Variants in CRPPA observed in about 807,000 individuals in gnomAD.
CRPPA encodes the protein CDP-L-ribitol pyrophosphorylase A.
Under a neutral mutation model 52.0 loss-of-function variants are expected in CRPPA, and 43 were observed. The ratio of observed to expected loss-of-function variants is 0.83; its 90% CI spans 0.65 to 1.07. The LOEUF (loss-of-function observed/expected upper bound fraction) is 1.07, where lower values mean the gene tolerates loss of function less well. CRPPA is among the 50% of genes least tolerant of loss of function. The pLI, the probability that CRPPA is intolerant of heterozygous loss-of-function variation, is 0.00. For missense variants in CRPPA, 629 were observed against 551.7 expected (o/e 1.14, Z -1.40); for synonymous variants, 250 against 203.5 (o/e 1.23, Z -1.94).
intron 9 of CRPPA, among the ~76,000 whole-genome samples, chr7:16,191,061 G>A (rs1781599172): frequency 6.6e-6 from 1 of 152,018 alleles, no homozygotes; most frequent in Non-Finnish European, 1.5e-5. Flanking sequence ...TCCATAATTG[G>A]AAAATTATCC....
chr7:16,356,528 C>T (rs1786299513), intron 3 of CRPPA, among the ~76,000 whole-genome samples: 1 of 152,182 alleles, frequency 6.6e-6, no homozygotes, highest in Non-Finnish European at 1.5e-5. Context: ...CCGGCTCAGG[C>T]TATAAGGAGA....
At chr7:16,350,543 T>C (rs1786121864) in intron 3 of CRPPA, among the ~76,000 whole-genome samples, 2 of 152,104 alleles carry the variant, frequency 1.3e-5, no homozygotes, top group South Asian at 4.1e-4. Context: ...ATTATCAACT[T>C]AAAATAGCCT....
At chr7:16,157,920 G>A (rs957495826) in intron 9 of CRPPA, among the ~76,000 whole-genome samples, 35 of 151,400 alleles carry the variant, frequency 2.3e-4, no homozygotes, top group African/African-American at 8.5e-4. Context: ...TGTCGCCCAG[G>A]CTGGAATAGA....
Position 16,403,367 on chromosome 7 carries a change from T to C in CRPPA, c.534+2694A>G, listed in dbSNP as rs79726498. On this transcript the variant is annotated intron_variant, in intron 2 of 9. Coordinates refer to ENST00000407010, the MANE Select transcript of CRPPA (RefSeq NM_001101426.4). ...CCTTAATCGTGGATATCTGAGTCTC[T>C]TGAGGCATTCTCTTTACCAGTTTAA... Among the ~76,000 whole-genome samples, 469 of 152,294 alleles carry C rather than the reference T, an allele frequency of 3.1e-3. 2 individuals are homozygous for C. The highest frequency in any genetic ancestry group is 0.011 in the African/African-American group (438 of 41,560).
At chr7:16,337,811 G>A (rs182110226) in intron 3 of CRPPA, among the ~76,000 whole-genome samples, 209 of 152,086 alleles carry the variant, frequency 1.4e-3, no homozygotes, top group Non-Finnish European at 2.0e-3. Flanking sequence ...CTACCAAACT[G>A]AATCTAAATA....
chr7:16,389,928 A>AAAAAAAAAAAAAAAAAAAAAATAT, intron 2 of CRPPA, among the ~76,000 whole-genome samples: 2 of 29,754 alleles, frequency 6.7e-5, no homozygotes, highest in Non-Finnish European at 1.1e-4. Flanking sequence ...AAAAAAAAAA[A>AAAAAAAAAAAAAAAAAAAAAATAT]ATATATATAT....
intron 9 of CRPPA, among the ~76,000 whole-genome samples, chr7:16,155,772 G>A (rs895341380): frequency 6.6e-6 from 1 of 152,108 alleles, no homozygotes; most frequent in African/African-American, 2.4e-5. Context: ...AATTTTATGT[G>A]GATTTTTAAC....
intron 9 of CRPPA, among the ~76,000 whole-genome samples, chr7:16,145,737 C>T (rs1191029263): frequency 6.6e-6 from 1 of 150,640 alleles, no homozygotes; most frequent in Non-Finnish European, 1.5e-5. Flanking sequence ...AAGAAATAAT[C>T]AGTGAGCTCA....
intron 6 of CRPPA, among the ~76,000 whole-genome samples, chr7:16,262,255 A>G (rs557183048): frequency 6.6e-6 from 1 of 152,284 alleles, no homozygotes; most frequent in East Asian, 1.9e-4. Flanking sequence ...TGGCTGCCTT[A>G]GTCATCTAAA....
At chr7:16,302,490 A>G (rs919020681) in intron 4 of CRPPA, among the ~76,000 whole-genome samples, 1 of 152,156 alleles carries the variant, frequency 6.6e-6, no homozygotes, top group African/African-American at 2.4e-5. Flanking sequence ...GCTGAAATAC[A>G]TAGTAAATAA....
chr7:16,161,516 G>T (rs557814944), intron 9 of CRPPA, among the ~76,000 whole-genome samples: 1 of 152,168 alleles, frequency 6.6e-6, no homozygotes, highest in African/African-American at 2.4e-5. Flanking sequence ...AATCAGCTTT[G>T]TATCCCAGGG....
intron 8 of CRPPA, among the ~76,000 whole-genome samples, chr7:16,240,875 G>T (rs1783089187): frequency 6.6e-6 from 1 of 152,096 alleles, no homozygotes; most frequent in African/African-American, 2.4e-5. Flanking sequence ...GTAAGGCTCA[G>T]TACCCTCTAT....
Position 16,212,052 on chromosome 7 carries a change from A to AT in CRPPA, c.1251+4013dup, listed in dbSNP as rs564365320. Among the ~76,000 whole-genome samples, 9 of 151,718 alleles carry AT rather than the reference A, an allele frequency of 5.9e-5. No individual in the cohort carries two copies. The East Asian group carries it at 7.7e-4, about 13-fold the overall frequency. On this transcript the variant is annotated intron_variant, in intron 9 of 9. Coordinates refer to ENST00000407010, the MANE Select transcript of CRPPA (RefSeq NM_001101426.4). Reference sequence around the variant, plus strand: ...AATAATTCTCACAAATCTTTTACAAATTTTTTTTTAAAAAAACAAAAATGT... The same window carrying AT: ...AATAATTCTCACAAATCTTTTACAAATTTTTTTTTTAAAAAAACAAAAATGT...
intron 5 of CRPPA, among the ~76,000 whole-genome samples, chr7:16,282,417 A>G (rs1784337577): frequency 6.6e-6 from 1 of 152,078 alleles, no homozygotes; most frequent in Non-Finnish European, 1.5e-5. Flanking sequence ...GGTGGTTTAA[A>G]CACCACCCCA....
intron 3 of CRPPA, among the ~76,000 whole-genome samples, chr7:16,319,228 G>A (rs1406130377): frequency 6.6e-6 from 1 of 152,070 alleles, no homozygotes; most frequent in African/African-American, 2.4e-5. Context: ...CTCATTCAAT[G>A]CCAAACACTT....
chr7:16,310,312 A>T (rs1479447279), intron 3 of CRPPA, among the ~76,000 whole-genome samples: 2 of 152,046 alleles, frequency 1.3e-5, no homozygotes, highest in Non-Finnish European at 2.9e-5. Context: ...CTTATCAGAG[A>T]TCCCCCAAAA....
At chr7:16,110,656 T>C (rs940112600) in intron 9 of CRPPA, among the ~76,000 whole-genome samples, 1 of 152,012 alleles carries the variant, frequency 6.6e-6, no homozygotes, top group Admixed American at 6.6e-5. Context: ...ATACAGTCAA[T>C]TGATTTTTGA....
intron 2 of CRPPA, among the ~76,000 whole-genome samples, chr7:16,398,211 G>C (rs374542200): frequency 3.6e-4 from 55 of 152,082 alleles, no homozygotes; most frequent in African/African-American, 7.7e-4. Flanking sequence ...ATCAAGACAT[G>C]ATCTACATGT....
chr7:16,102,510 T>C (rs1474708095), intron 9 of CRPPA, among the ~76,000 whole-genome samples: 1 of 152,048 alleles, frequency 6.6e-6, no homozygotes. Context: ...ATCATCAAAA[T>C]ATACAGGCAA....
Sources: allele counts gnomAD v4.1 joint callset (sites outside exome capture counted in the v4.1 genomes callset), GRCh38; gene constraint gnomAD v4.1.1; transcripts MANE v1.5; gene names NCBI Gene and HGNC (gene_info 2026-07-23, HGNC 2026-07-21).